Variants in PEX14 observed in about 807,000 individuals in gnomAD.
PEX14 encodes peroxisomal biogenesis factor 14.
A neutral mutation model predicts 49.5 loss-of-function variants in PEX14; 15 were observed. The observed-to-expected ratio is 0.30, with a 90% CI of 0.20 to 0.47. The LOEUF is 0.47. Among genes scored for constraint, PEX14 ranks in the 20% least tolerant of loss-of-function variants. PEX14 has a pLI of 1.00. For missense variants in PEX14, 398 were observed against 494.8 expected (o/e 0.80, Z 1.86); for synonymous variants, 210 against 212.7 (o/e 0.99, Z 0.11).
At chr1:10,575,705 T>TTTTC in intron 3 of PEX14, among the ~76,000 whole-genome samples, 1 of 152,240 alleles carries the variant, frequency 6.6e-6, no homozygotes, top group Non-Finnish European at 1.5e-5. Context: ...ACTTAATTTA[T>TTTTC]TTTCTTTCTT....
rs1008547057 is a variant in PEX14 at position 10,537,260 on chromosome 1, G to A, written c.169+963G>A. 7.4e-5 allele frequency among the ~76,000 whole-genome samples: 11 copies of A among 148,644 alleles called. No homozygotes were observed. In the East Asian group the frequency reaches 1.8e-3, roughly 25 times the overall value. The stretch of plus-strand genomic sequence containing the variant: ...ACATTTCACCACAGGCAGCTGCTTC[G>A]CGGCAGCCCCAAGGCTGGGTCCCTG... On this transcript the variant is annotated intron_variant, in intron 3 of 8. Transcript: ENST00000356607.
At chr1:10,476,984 T>C (rs1292699372) in intron 1 of PEX14, among the ~76,000 whole-genome samples, 2 of 152,170 alleles carry the variant, frequency 1.3e-5, no homozygotes, top group Non-Finnish European at 2.9e-5. Flanking sequence ...GATTTTCAGC[T>C]CTGCTTCTCC....
At chr1:10,506,524 G>A (rs1034426946) in intron 2 of PEX14, among the ~76,000 whole-genome samples, 3 of 152,176 alleles carry the variant, frequency 2.0e-5, no homozygotes, top group African/African-American at 4.8e-5. Context: ...TGATCCGCCC[G>A]CCTCGGCCTC....
intron 5 of PEX14, among the ~76,000 whole-genome samples, chr1:10,619,528 C>G (rs145600054): frequency 6.6e-6 from 1 of 151,712 alleles, no homozygotes; most frequent in Non-Finnish European, 1.5e-5. Context: ...TTGGCCAGGC[C>G]GGTCTCGAAC....
At chr1:10,617,737 A>G (rs1418513373) in intron 4 of PEX14, among the ~76,000 whole-genome samples, 5 of 143,616 alleles carry the variant, frequency 3.5e-5, no homozygotes, top group African/African-American at 1.3e-4. Flanking sequence ...AGGCGTTCTC[A>G]TTCTCTGAAG....
chr1:10,494,909 G>T lies in PEX14; in HGVS notation c.37-365G>T, dbSNP rs1473161899. On this transcript the variant is annotated intron_variant, in intron 1 of 8. Transcript: ENST00000356607. This position sits in a 1 kb window ranked among gnomAD's most constrained non-coding sequence, Gnocchi z 4.3. ...CGTTGGGGAGGTGGCAGAAAGAGGA[G>T]GTGTTGTGCTCTCTCTTCAGGCCTT... Among the ~76,000 whole-genome samples, 12 of 152,192 alleles carry T rather than the reference G, an allele frequency of 7.9e-5. No individual in the cohort carries two copies. The highest frequency in any genetic ancestry group is 1.5e-5 in the Non-Finnish European group (1 of 68,030).
rs749453870 is a variant in PEX14 at position 10,623,480 on chromosome 1, C to T, written c.487+359C>T. On this transcript the variant is annotated intron_variant, in intron 6 of 8. Coordinates refer to ENST00000356607, the MANE Select transcript of PEX14 (RefSeq NM_004565.3). This position sits in a 1 kb window ranked among gnomAD's most constrained non-coding sequence, Gnocchi z 4.4. ...GATTTTCCCCCTTCCCTCTAAGACTCGACTGTGGGGTCAAGAGAGTCTGTA... is the reference window on the plus strand; with the variant it reads ...GATTTTCCCCCTTCCCTCTAAGACTTGACTGTGGGGTCAAGAGAGTCTGTA... 6.6e-6 allele frequency among the ~76,000 whole-genome samples: 1 copy of T among 152,086 alleles called. No homozygotes were observed. The highest frequency in any genetic ancestry group is 2.4e-5 in the African/African-American group (1 of 41,392).
chr1:10,500,241 TAA>T (rs1280986298), intron 2 of PEX14, among the ~76,000 whole-genome samples: 2 of 137,882 alleles, frequency 1.5e-5, no homozygotes, highest in Non-Finnish European at 3.2e-5. Flanking sequence ...CGTCTCTACT[TAA>T]AAAAAAAAAA....
chr1:10,541,725 C>G (rs931649892), intron 3 of PEX14, among the ~76,000 whole-genome samples: 4 of 152,250 alleles, frequency 2.6e-5, no homozygotes, highest in African/African-American at 9.6e-5. Flanking sequence ...CCCGCTCCCC[C>G]TGTTATCCAA....
chr1:10,599,903 T>C (rs1473964496), intron 4 of PEX14, among the ~76,000 whole-genome samples: 1 of 152,230 alleles, frequency 6.6e-6, no homozygotes, highest in Non-Finnish European at 1.5e-5. Flanking sequence ...TGAAGTTCCT[T>C]TTTGAATGTT....
At chr1:10,475,374 C>T (rs531424942) in intron 1 of PEX14, among the ~76,000 whole-genome samples, 86 of 152,298 alleles carry the variant, frequency 5.6e-4, no homozygotes, top group African/African-American at 1.3e-3. Flanking sequence ...TCCCGGCTGT[C>T]CCCTCCGGGG....
intron 3 of PEX14, among the ~76,000 whole-genome samples, chr1:10,555,781 C>T (rs531892091): frequency 4.6e-5 from 7 of 152,108 alleles, no homozygotes; most frequent in African/African-American, 1.2e-4. Context: ...TGCTGTTGCC[C>T]GTTCATTAGG....
intron 3 of PEX14, among the ~76,000 whole-genome samples, chr1:10,549,448 G>A (rs12120962): frequency 0.31 from 46,498 of 152,082 alleles, 7,868 homozygotes; most frequent in Non-Finnish European, 0.38. Flanking sequence ...TAACTTTTAC[G>A]TGAAGATAAT....
intron 1 of PEX14, among the ~76,000 whole-genome samples, chr1:10,480,583 A>G (rs1336297858): frequency 6.6e-6 from 1 of 151,570 alleles, no homozygotes; most frequent in East Asian, 1.9e-4. Flanking sequence ...TTTAGTAGAG[A>G]TGGGGTTTTG....
intron 3 of PEX14, among the ~76,000 whole-genome samples, chr1:10,593,116 T>A (rs1640718943): frequency 1.3e-5 from 2 of 152,222 alleles, no homozygotes; most frequent in Non-Finnish European, 1.5e-5. Context: ...GGCTGGGTGA[T>A]GTCCAGTGTC....
chr1:10,584,515 G>T (rs1640423312), intron 3 of PEX14, among the ~76,000 whole-genome samples: 1 of 152,172 alleles, frequency 6.6e-6, no homozygotes, highest in Admixed American at 6.5e-5. Flanking sequence ...GGTAGGGTGT[G>T]ATGTCTGTAA....
intron 5 of PEX14, among the ~76,000 whole-genome samples, chr1:10,620,328 ATAAAT>A (rs1381324840): frequency 1.5e-3 from 209 of 141,922 alleles, no homozygotes; most frequent in African/African-American, 5.6e-3. Flanking sequence ...ATAAAATAAA[ATAAAT>A]AAGCTAGGCA....
At chr1:10,477,221 C>T (rs1378862444) in intron 1 of PEX14, among the ~76,000 whole-genome samples, 1 of 152,112 alleles carries the variant, frequency 6.6e-6, no homozygotes, top group Non-Finnish European at 1.5e-5. Context: ...CAGGCGCCCG[C>T]CACCATGCCC....
At chr1:10,492,866 C>T (rs948853327) in intron 1 of PEX14, among the ~76,000 whole-genome samples, 6 of 152,142 alleles carry the variant, frequency 3.9e-5, no homozygotes, top group South Asian at 4.1e-4. Flanking sequence ...GGCATCAGTC[C>T]GATAGTCACA....
Sources: allele counts gnomAD v4.1 joint callset (sites outside exome capture counted in the v4.1 genomes callset), GRCh38; gene constraint gnomAD v4.1.1; non-coding constraint Gnocchi (gnomAD v3.1); transcripts MANE v1.5; gene names NCBI Gene and HGNC (gene_info 2026-07-23, HGNC 2026-07-21).